The following PARD3B variants were observed in gnomAD, a reference collection of about 807,000 sequenced individuals.
PARD3B encodes par-3 family cell polarity regulator beta.
A neutral mutation model predicts 130.2 loss-of-function variants in PARD3B; 103 were observed. The observed-to-expected ratio is 0.79, with a 90% CI of 0.67 to 0.93. The LOEUF (loss-of-function observed/expected upper bound fraction) is 0.93, where lower values mean the gene tolerates loss of function less well. PARD3B is among the 40% of genes least tolerant of loss of function. The pLI, the probability that PARD3B is intolerant of heterozygous loss-of-function variation, is 0.00. For synonymous variants in PARD3B, 583 were observed against 553.2 expected (o/e 1.05, Z -0.76); for missense variants, 1,609 against 1,499.2 (o/e 1.07, Z -1.21).
intron 2 of PARD3B, among the ~76,000 whole-genome samples, chr2:204,938,879 A>C (rs578000574): frequency 7.2e-5 from 11 of 152,188 alleles, no homozygotes; most frequent in Admixed American, 5.2e-4. Context: ...AGCTCAGTAC[A>C]TATATCTGGA....
chr2:204,809,728 T>C lies in PARD3B; in HGVS notation c.222+123446T>C, dbSNP rs73066653. On this transcript the variant is annotated intron_variant, in intron 2 of 22. Transcript: ENST00000406610. ...AGAATTGCCTTGGCTATTTGGCCCC[T>C]TTTTTAGTTCCATTTGAGTTTTAAA... is the stretch of plus-strand genomic sequence containing the variant. Among the ~76,000 whole-genome samples, 796 of 152,280 alleles carry C rather than the reference T, an allele frequency of 5.2e-3. 7 individuals are homozygous for C. The highest frequency in any genetic ancestry group is 0.018 in the African/African-American group (741 of 41,582).
intron 1 of PARD3B, among the ~76,000 whole-genome samples, chr2:204,599,620 GGTT>G (rs2033429194): frequency 2.6e-5 from 4 of 151,860 alleles, no homozygotes; most frequent in Admixed American, 2.6e-4. Flanking sequence ...TCCATATCTT[GGTT>G]GTTGTGAATA....
At chr2:204,897,746 A>G (rs2046692441) in intron 2 of PARD3B, among the ~76,000 whole-genome samples, 1 of 152,148 alleles carries the variant, frequency 6.6e-6, no homozygotes, top group Non-Finnish European at 1.5e-5. Context: ...GATTAGTTCA[A>G]AGAAACAAGC....
At chr2:205,553,175 A>T (rs1045609730) in intron 21 of PARD3B, 149 bp from the exon 22 acceptor site, 2 of 649,864 alleles carry the variant, frequency 3.1e-6, no homozygotes, top group Non-Finnish European at 5.3e-6. Context: ...ATCAATTCCT[A>T]TAGCAATGTG....
Position 205,044,784 on chromosome 2 carries a change from T to C in PARD3B, c.395-2797T>C, listed in dbSNP as rs577651234. On this transcript the variant is annotated intron_variant, in intron 3 of 22. Transcript: ENST00000406610. ...TCACTCTGATGGTAGTTTCTTTTGC[T>C]GTGCAGAAGCTCTTTAGTTTAATTA... 1.0e-3 allele frequency among the ~76,000 whole-genome samples: 156 copies of C among 152,292 alleles called. 1 individual carries two copies. In the South Asian group the frequency reaches 0.011, roughly 10 times the overall value.
chr2:205,318,709 A>G (rs2042643890), intron 18 of PARD3B, among the ~76,000 whole-genome samples: 1 of 152,130 alleles, frequency 6.6e-6, no homozygotes, highest in Non-Finnish European at 1.5e-5. Flanking sequence ...AATTATTCCA[A>G]CAAATGCAGA....
chr2:205,250,856 A>C (rs2039814840), intron 16 of PARD3B, among the ~76,000 whole-genome samples: 2 of 152,018 alleles, frequency 1.3e-5, no homozygotes, highest in African/African-American at 4.8e-5. Context: ...TTGAACCCAC[A>C]AGGTGGAGGT....
intron 20 of PARD3B, among the ~76,000 whole-genome samples, chr2:205,489,009 A>G (rs1412824416): frequency 1.3e-5 from 2 of 152,188 alleles, no homozygotes; most frequent in African/African-American, 2.4e-5. Flanking sequence ...ACAGTTGCAA[A>G]TTGATCCAAA....
In PARD3B at chr2:204,678,368, G is replaced by A. The variant is rs1259682654; in HGVS notation, c.121-7813G>A. Reference sequence around the variant, plus strand: ...AGAGAGCTAAGCCTTAACCAGCTCAGTGGAGAGTCAGGGTGACATATACCC... The same window carrying A: ...AGAGAGCTAAGCCTTAACCAGCTCAATGGAGAGTCAGGGTGACATATACCC... On this transcript the variant is annotated intron_variant, in intron 1 of 22. Coordinates refer to ENST00000406610, the MANE Select transcript of PARD3B (RefSeq NM_001302769.2). The surrounding 1 kb of genome is among the most constrained non-coding windows in gnomAD (Gnocchi z 4.2). 1.3e-5 allele frequency among the ~76,000 whole-genome samples: 2 copies of A among 152,202 alleles called. No individual in the cohort carries two copies. The highest frequency in any genetic ancestry group is 2.9e-5 in the Non-Finnish European group (2 of 68,044).
chr2:205,575,565 TG>T lies in PARD3B; in HGVS notation c.3260+22163del, dbSNP rs1691102525. ...CCACACCATTACCCCTAGCTACTAT[TG>T]ATCTTTTTGCTGTCTTCATAGTTCT... On this transcript the variant is annotated intron_variant, in intron 22 of 22. Transcript: ENST00000406610. The surrounding 1 kb of genome is among the most constrained non-coding windows in gnomAD (Gnocchi z 4.6). Among the ~76,000 whole-genome samples the T allele has an allele frequency of 6.6e-6, 1 of 152,168 alleles. No individual in the cohort carries two copies. The highest frequency in any genetic ancestry group is 2.1e-4 in the South Asian group (1 of 4,824).
chr2:205,212,012 ATTT>A (rs2037666066), intron 15 of PARD3B, among the ~76,000 whole-genome samples: 1 of 152,052 alleles, frequency 6.6e-6, no homozygotes, highest in African/African-American at 2.4e-5. Flanking sequence ...TTCCATTAGA[ATTT>A]TTTTATTTTC....
At chr2:204,822,136 C>T (rs1358065737) in intron 2 of PARD3B, among the ~76,000 whole-genome samples, 4 of 152,156 alleles carry the variant, frequency 2.6e-5, no homozygotes, top group Admixed American at 2.0e-4. Context: ...AGTCAAAATA[C>T]CAACATTAAC....
intron 4 of PARD3B, among the ~76,000 whole-genome samples, chr2:205,083,611 T>A (rs1456635069): frequency 6.6e-6 from 1 of 152,044 alleles, no homozygotes; most frequent in Non-Finnish European, 1.5e-5. Flanking sequence ...TCTTTTTTTT[T>A]TTAGTTTTAT....
At chr2:204,969,261 A>G (rs1053167048) in intron 3 of PARD3B, among the ~76,000 whole-genome samples, 5 of 152,228 alleles carry the variant, frequency 3.3e-5, no homozygotes, top group Non-Finnish European at 7.3e-5. Flanking sequence ...TAGGGTTTCA[A>G]TGGATGCTTG....
intron 2 of PARD3B, among the ~76,000 whole-genome samples, chr2:204,951,550 T>C (rs933758610): frequency 1.3e-5 from 2 of 152,246 alleles, no homozygotes; most frequent in African/African-American, 4.8e-5. Flanking sequence ...AAGTTCACTT[T>C]GTGTATTTAT....
intron 2 of PARD3B, among the ~76,000 whole-genome samples, chr2:204,933,939 A>C (rs1002136021): frequency 6.6e-6 from 1 of 152,212 alleles, no homozygotes; most frequent in African/African-American, 2.4e-5. Flanking sequence ...AATCAGAATA[A>C]TACTACCTTG....
intron 15 of PARD3B, among the ~76,000 whole-genome samples, chr2:205,213,485 G>T (rs1299567003): frequency 6.6e-6 from 1 of 152,128 alleles, no homozygotes; most frequent in Non-Finnish European, 1.5e-5. Context: ...AATGAATAGT[G>T]TTGGAGCAAT....
intron 22 of PARD3B, among the ~76,000 whole-genome samples, chr2:205,556,137 C>T (rs1344547149): frequency 6.6e-6 from 1 of 152,136 alleles, no homozygotes; most frequent in Admixed American, 6.5e-5. Context: ...CCGGATCCCT[C>T]TTCATCACAG....
chr2:205,047,343 TG>T (rs1456066503), intron 3 of PARD3B, among the ~76,000 whole-genome samples: 2 of 152,186 alleles, frequency 1.3e-5, no homozygotes, highest in African/African-American at 4.8e-5. Context: ...TTAAACACAA[TG>T]GCTTGTTTTG....
Sources: allele counts gnomAD v4.1 joint callset (sites outside exome capture counted in the v4.1 genomes callset), GRCh38; gene constraint gnomAD v4.1.1; non-coding constraint Gnocchi (gnomAD v3.1); transcripts MANE v1.5; gene names NCBI Gene and HGNC (gene_info 2026-07-23, HGNC 2026-07-21).